The following SPOPL variants were observed in gnomAD, a reference collection of about 807,000 sequenced individuals.
SPOPL encodes the protein speckle-type POZ protein-like.
A neutral mutation model predicts 53.8 loss-of-function variants in SPOPL; 23 were observed. That is an observed-to-expected ratio of 0.43 (90% CI 0.31 to 0.61). The LOEUF is 0.61. Ranked by LOEUF, SPOPL falls within the 20% of genes least tolerant of loss-of-function variation. The pLI is 0.12. For missense variants in SPOPL, 442 were observed against 466.9 expected (o/e 0.95, Z 0.49); for synonymous variants, 164 against 149.7 (o/e 1.10, Z -0.70).
In SPOPL at chr2:138,530,693, A is replaced by T. The variant is rs374028762; in HGVS notation, c.-60-19464A>T. 1.1e-4 allele frequency among the ~76,000 whole-genome samples: 17 copies of T among 152,334 alleles called. No individual in the cohort carries two copies. The East Asian group carries it at 2.7e-3, about 24-fold the overall frequency. ...GGATTTTTATATGCTGACTTAGTATACAGCATCCTTGACAAACTTCCTTGT... is the reference window on the plus strand; with the variant it reads ...GGATTTTTATATGCTGACTTAGTATTCAGCATCCTTGACAAACTTCCTTGT... On this transcript the variant is annotated intron_variant, in intron 1 of 10. Transcript: ENST00000280098.
At chr2:138,566,504 C>A (rs1372582152) in intron 10 of SPOPL, among the ~76,000 whole-genome samples, 2 of 152,100 alleles carry the variant, frequency 1.3e-5, no homozygotes, top group African/African-American at 2.4e-5. Context: ...TGATTCTAAA[C>A]AACTAATTGA....
intron 1 of SPOPL, among the ~76,000 whole-genome samples, chr2:138,525,511 G>A (rs984957395): frequency 4.6e-5 from 7 of 151,924 alleles, no homozygotes; most frequent in African/African-American, 1.7e-4. Context: ...CTACTTAATA[G>A]TGCTTTTTTA....
chr2:138,546,749 A>G (rs1411808935), intron 1 of SPOPL, among the ~76,000 whole-genome samples: 1 of 152,194 alleles, frequency 6.6e-6, no homozygotes, highest in African/African-American at 2.4e-5. Context: ...AGCTTTCTAA[A>G]CGCTTTTCTC....
rs184599586 is a variant in SPOPL, at chr2:138,573,436, A to C, written c.*4356A>C. Reference sequence around the variant, plus strand: ...TTAATATGCATTTATTTTAATATGTATGAACCATCAATACTGGATGACTTA... The same window carrying C: ...TTAATATGCATTTATTTTAATATGTCTGAACCATCAATACTGGATGACTTA... On this transcript the variant is annotated 3_prime_UTR_variant, in exon 11 of 11. Transcript: ENST00000280098. 6.6e-5 allele frequency: 10 copies of C among 152,210 alleles called. No homozygotes were observed. Among genetic ancestry groups the C allele is most frequent in the Non-Finnish European group, 1.3e-4 (9 of 68,028 alleles). The allele number at this position is 152,210 out of a possible 1,614,324, so 9.4% of individuals were successfully genotyped here. A position where few individuals can be genotyped will look rare whatever the true frequency, so the allele number is the denominator to read the frequency against.
chr2:138,563,346 G>T (rs1187195247), intron 8 of SPOPL, among the ~76,000 whole-genome samples: 4 of 152,044 alleles, frequency 2.6e-5, no homozygotes, highest in Admixed American at 6.6e-5. Flanking sequence ...GCCTGGTGTG[G>T]TGCCATGTGC....
chr2:138,524,654 C>T (rs1375699736), intron 1 of SPOPL, among the ~76,000 whole-genome samples: 1 of 152,224 alleles, frequency 6.6e-6, no homozygotes, highest in African/African-American at 2.4e-5. Flanking sequence ...CTCTCAACTT[C>T]CAAGTTCCAC....
intron 9 of SPOPL, 44 bp from the exon 10 acceptor site, chr2:138,564,896 T>C (rs764095800): frequency 6.2e-7 from 1 of 1,613,802 alleles, no homozygotes; most frequent in Non-Finnish European, 8.5e-7. Context: ...TTCAATATTT[T>C]TTCTCTGGAC....
At chr2:138,525,662 A>AC (rs1553468785) in intron 1 of SPOPL, among the ~76,000 whole-genome samples, 2 of 104,576 alleles carry the variant, frequency 1.9e-5, no homozygotes, top group African/African-American at 6.9e-5. Flanking sequence ...AGTAGAAAAA[A>AC]AAAAAAAAAA....
chr2:138,518,138 T>C (rs1274129299), intron 1 of SPOPL, among the ~76,000 whole-genome samples: 2 of 150,756 alleles, frequency 1.3e-5, no homozygotes, highest in African/African-American at 4.9e-5. Context: ...GACTCTATTA[T>C]GATTTTGTTA....
At chr2:138,508,936 A>G (rs1684271035) in intron 1 of SPOPL, among the ~76,000 whole-genome samples, 2 of 151,842 alleles carry the variant, frequency 1.3e-5, no homozygotes, top group Non-Finnish European at 2.9e-5. Context: ...CTTTATGTTG[A>G]ACATAACTAT....
chr2:138,567,916 G>A (rs1448374236), intron 10 of SPOPL, among the ~76,000 whole-genome samples: 1 of 152,186 alleles, frequency 6.6e-6, no homozygotes, highest in African/African-American at 2.4e-5. Context: ...TTTGGTGAGA[G>A]CATAGTGTAC....
chr2:138,523,031 A>C (rs1014609380), intron 1 of SPOPL, among the ~76,000 whole-genome samples: 3 of 152,174 alleles, frequency 2.0e-5, no homozygotes, highest in African/African-American at 7.2e-5. Flanking sequence ...ATGCACATAA[A>C]CTCTATAGTA....
rs368855880 is a variant in SPOPL, at chr2:138,504,616, T to A, written c.-61+2497T>A. 2.0e-5 allele frequency among the ~76,000 whole-genome samples: 3 copies of A among 152,260 alleles called. 1 individual carries two copies. The stretch of plus-strand genomic sequence containing the variant: ...GCCAGGCATTGGGGATACATGAGAG[T>A]GGCCCTTCTCAACCATGTTTCTGGG... On this transcript the variant is annotated intron_variant, in intron 1 of 10. Transcript: ENST00000280098.
intron 1 of SPOPL, among the ~76,000 whole-genome samples, chr2:138,524,434 A>C (rs1282083248): frequency 6.6e-6 from 1 of 152,014 alleles, no homozygotes; most frequent in Non-Finnish European, 1.5e-5. Flanking sequence ...TTAACATTTG[A>C]CTCCTCATTA....
At chr2:138,543,072 C>G (rs1217121820) in intron 1 of SPOPL, among the ~76,000 whole-genome samples, 3 of 152,222 alleles carry the variant, frequency 2.0e-5, no homozygotes, top group East Asian at 3.8e-4. Context: ...CCCCCACTTT[C>G]TTCTGGCTTG....
chr2:138,565,295 A>G (rs920951359), intron 10 of SPOPL, among the ~76,000 whole-genome samples: 2 of 152,174 alleles, frequency 1.3e-5, no homozygotes, highest in African/African-American at 4.8e-5. Context: ...AAGCATTCCA[A>G]AAAGTGTGGG....
intron 1 of SPOPL, among the ~76,000 whole-genome samples, chr2:138,507,767 T>C (rs1426711265): frequency 6.6e-6 from 1 of 152,222 alleles, no homozygotes; most frequent in Non-Finnish European, 1.5e-5. Flanking sequence ...ACCCATATAG[T>C]CACTAAATGT....
chr2:138,511,263 T>C (rs1445497791), intron 1 of SPOPL, among the ~76,000 whole-genome samples: 1 of 152,198 alleles, frequency 6.6e-6, no homozygotes, highest in African/African-American at 2.4e-5. Flanking sequence ...GTTGTCTCTC[T>C]GCCTCTCCCT....
intron 1 of SPOPL, among the ~76,000 whole-genome samples, chr2:138,527,918 C>G (rs58705696): frequency 6.6e-6 from 1 of 152,120 alleles, no homozygotes; most frequent in Non-Finnish European, 1.5e-5. Context: ...AAGTTGCATG[C>G]GTAAGCTGGG....
Sources: allele counts gnomAD v4.1 joint callset (sites outside exome capture counted in the v4.1 genomes callset), GRCh38; gene constraint gnomAD v4.1.1; transcripts MANE v1.5; gene names NCBI Gene and HGNC (gene_info 2026-07-23, HGNC 2026-07-21).